The following BFSP1 variants were observed in gnomAD, a reference collection of about 807,000 sequenced individuals.
BFSP1 encodes beaded filament structural protein 1.
In BFSP1, 38 loss-of-function variants were observed where a neutral mutation model predicts 43.9. The ratio of observed to expected loss-of-function variants is 0.87; its 90% CI spans 0.67 to 1.14. BFSP1 has a LOEUF of 1.14. Among genes scored for constraint, BFSP1 ranks in the 50% most tolerant of loss-of-function variants. BFSP1 has a pLI of 0.00. For missense variants in BFSP1, 850 were observed against 875.1 expected (o/e 0.97, Z 0.36); for synonymous variants, 352 against 354.8 (o/e 0.99, Z 0.09).
upstream of BFSP1, among the ~76,000 whole-genome samples, chr20:17,563,833 C>T (rs1490098454): frequency 6.6e-5 from 9 of 136,598 alleles, no homozygotes; most frequent in East Asian, 6.6e-4. Context: ...CTGAAGTGAG[C>T]GGTGATCGTG....
exon 1 of BFSP1, chr20:17,558,691 C>T (rs935701364): frequency 6.4e-7 from 1 of 1,551,878 alleles, no homozygotes; most frequent in Non-Finnish European, 8.7e-7. Context: ...CACTTACATA[C>T]TTTCTCCAGC....
intron 7 of BFSP1, 137 bp downstream of exon 7, chr20:17,496,801 A>G: frequency 6.8e-6 from 5 of 735,730 alleles, no homozygotes; most frequent in Admixed American, 4.0e-5. Flanking sequence ...AGAGGGTGGG[A>G]AGGAGTCCTC....
chr20:17,546,697 C>G (rs954206700), intron 1 of BFSP1, among the ~76,000 whole-genome samples: 3 of 151,456 alleles, frequency 2.0e-5, no homozygotes, highest in African/African-American at 4.9e-5. Context: ...GAGTGAGACT[C>G]CATTTAAAAA....
intron 1 of BFSP1, among the ~76,000 whole-genome samples, chr20:17,529,064 A>AGTGTGTGTGTGTGTGTGTGTGTGTGT (rs11473581): frequency 2.0e-5 from 3 of 147,208 alleles, no homozygotes; most frequent in African/African-American, 7.8e-5. Context: ...TGGTTAAATA[A>AGTGTGTGTGTGTGTGTGTGTGTGTGT]GTGTGTGTGT....
Position 17,494,871 on chromosome 20 carries a change from G to A in BFSP1, c.1201C>T (p.Gln401Ter). 1 of 1,614,174 alleles carries A rather than the reference G, an allele frequency of 6.2e-7. No homozygotes were observed. Among genetic ancestry groups the A allele is most frequent in the Non-Finnish European group, 8.5e-7 (1 of 1,180,036 alleles). ...LKGLEDTKLV[Q>*]VVLKEESESK... is the part of the protein sequence containing the mutation. ...TCACTTTCCTCTTTAAGTACCACCT[G>A]TACCAGCTTTGTGTCTTCCAAACCT... The change falls in exon 8 of 8, where the codon CAG becomes TAG. Residue 401 changes from glutamine (Q) to a stop codon, truncating the protein, a stop_gained. Transcript: ENST00000377873. LOFTEE classifies it low-confidence loss of function (END_TRUNC).
Position 17,507,440 on chromosome 20 carries a change from G to T in BFSP1, c.735+1449C>A, listed in dbSNP as rs2033965489. Among the ~76,000 whole-genome samples, 1 of 151,858 alleles carries T rather than the reference G, an allele frequency of 6.6e-6. No individual in the cohort carries two copies. Among genetic ancestry groups the T allele is most frequent in the Non-Finnish European group, 1.5e-5 (1 of 67,986 alleles). On this transcript the variant is annotated intron_variant, in intron 5 of 7. Transcript: ENST00000377873. The surrounding 1 kb of genome is among the most constrained non-coding windows in gnomAD (Gnocchi z 4.4). ...GCATTTTGTTGACTTCCTTTTACAT[G>T]CCAGTCAATTCTACTGAGTTCATTT...
At chr20:17,532,944 A>T (rs1258163510), upstream of BFSP1, among the ~76,000 whole-genome samples, 2 of 152,198 alleles carry the variant, frequency 1.3e-5, no homozygotes, top group Non-Finnish European at 2.9e-5. Context: ...TGTGGAGTTT[A>T]TTATTACACC....
intron 1 of BFSP1, among the ~76,000 whole-genome samples, chr20:17,542,610 A>G (rs1044886975): frequency 6.6e-6 from 1 of 152,146 alleles, no homozygotes; most frequent in Non-Finnish European, 1.5e-5. Flanking sequence ...AAAAGAAAAA[A>G]AAAAGTCAGT....
intron 2 of BFSP1, chr20:17,517,406 C>T (rs2034222944): frequency 4.1e-6 from 3 of 731,342 alleles, no homozygotes; most frequent in Admixed American, 3.8e-5. Context: ...GCCTCAGCCT[C>T]CCAAGTAGCT....
intron 2 of BFSP1, chr20:17,517,057 G>C: frequency 1.1e-6 from 1 of 901,746 alleles, no homozygotes; most frequent in South Asian, 1.3e-5. Context: ...CTTGTGTTGA[G>C]ACTTCGTGGT....
At chr20:17,496,483 T>C (rs1311972946) in intron 7 of BFSP1, among the ~76,000 whole-genome samples, 1 of 152,208 alleles carries the variant, frequency 6.6e-6, no homozygotes, top group Admixed American at 6.5e-5. Flanking sequence ...GCAGCCACTC[T>C]GCACTGGACA....
chr20:17,548,517 A>C (rs141256713), intron 1 of BFSP1, among the ~76,000 whole-genome samples: 153 of 152,274 alleles, frequency 1.0e-3, no homozygotes, highest in Middle Eastern at 3.4e-3. Context: ...GAATTGGGTG[A>C]ATTCCTCTCC....
intron 1 of BFSP1, among the ~76,000 whole-genome samples, chr20:17,543,887 A>C (rs1300820089): frequency 6.6e-6 from 1 of 152,246 alleles, no homozygotes; most frequent in Non-Finnish European, 1.5e-5. Context: ...CACATGCTTC[A>C]TGTATAAACT....
intron 4 of BFSP1, among the ~76,000 whole-genome samples, chr20:17,510,124 T>A (rs2034042075): frequency 6.6e-6 from 1 of 152,198 alleles, no homozygotes; most frequent in Admixed American, 6.5e-5. Context: ...ACTTTCTCAA[T>A]CGGTGCTTCT....
chr20:17,558,683 C>T, intron 1 of BFSP1: 2 of 1,551,904 alleles, frequency 1.3e-6, no homozygotes, highest in Admixed American at 2.0e-5. Context: ...TATCAGAACA[C>T]TTACATACTT....
chr20:17,505,329 T>C (rs1368019395), intron 5 of BFSP1, among the ~76,000 whole-genome samples: 1 of 152,104 alleles, frequency 6.6e-6, no homozygotes, highest in African/African-American at 2.4e-5. Context: ...GCCCCAGAGC[T>C]CCTGGGTCAG....
chr20:17,504,343 G>T (rs934370218), intron 5 of BFSP1, among the ~76,000 whole-genome samples: 9 of 152,186 alleles, frequency 5.9e-5, no homozygotes, highest in Non-Finnish European at 1.5e-5. Context: ...TCAGAAGGAA[G>T]AGTGTTCAGG....
intron 1 of BFSP1, among the ~76,000 whole-genome samples, chr20:17,551,731 C>T (rs1251090990): frequency 2.0e-5 from 3 of 152,058 alleles, no homozygotes; most frequent in African/African-American, 7.2e-5. Context: ...ACCTGTAATC[C>T]CAGCACTTTG....
chr20:17,542,427 CAA>C (rs3076281), intron 1 of BFSP1, among the ~76,000 whole-genome samples: 7,620 of 114,690 alleles, frequency 0.066, 233 homozygotes, highest in Middle Eastern at 0.09. Flanking sequence ...TCATCTCTAC[CAA>C]AAAAAAAAAA....
Sources: allele counts gnomAD v4.1 joint callset (sites outside exome capture counted in the v4.1 genomes callset), GRCh38; gene constraint gnomAD v4.1.1; non-coding constraint Gnocchi (gnomAD v3.1); transcripts MANE v1.5; gene names NCBI Gene and HGNC (gene_info 2026-07-23, HGNC 2026-07-21).